ATP10B: variants seen among roughly 807,000 people sequenced by gnomAD.
The protein encoded by ATP10B is phospholipid-transporting ATPase VB.
ATP10B carries 122 observed loss-of-function variants against 141.2 expected under a neutral mutation model. The observed-to-expected ratio is 0.86, with a 90% CI of 0.75 to 1.00. The LOEUF (loss-of-function observed/expected upper bound fraction) is 1.00, where lower values mean the gene tolerates loss of function less well. Among genes scored for constraint, ATP10B ranks in the 50% least tolerant of loss-of-function variants. ATP10B has a pLI of 0.00. For missense variants in ATP10B, 1,876 were observed against 1,825.3 expected, an observed-to-expected ratio of 1.03 and a Z score of -0.51; for synonymous variants, 685 against 692.0, an observed-to-expected ratio of 0.99 and a Z score of 0.16.
chr5:160,795,657 C>T (rs1371033856), intron 1 of ATP10B, among the ~76,000 whole-genome samples: 1 of 151,206 alleles, frequency 6.6e-6, no homozygotes. Context: ...CTAGATTATT[C>T]AGGTGGGTCC....
intron 2 of ATP10B, among the ~76,000 whole-genome samples, chr5:160,764,173 T>C (rs1581486765): frequency 6.6e-6 from 1 of 152,024 alleles, no homozygotes; most frequent in Non-Finnish European, 1.5e-5. Context: ...TCCCAAAAGA[T>C]AGAGAAATAG....
chr5:160,732,467 G>A (rs1328413994), intron 2 of ATP10B, among the ~76,000 whole-genome samples: 1 of 152,246 alleles, frequency 6.6e-6, no homozygotes, highest in East Asian at 1.9e-4. Context: ...GTTTTAAGTA[G>A]ATTTTTTGAA....
chr5:160,854,909 T>C (rs1753960779), upstream of ATP10B, among the ~76,000 whole-genome samples: 1 of 152,038 alleles, frequency 6.6e-6, no homozygotes, highest in Non-Finnish European at 1.5e-5. Flanking sequence ...AGAGAGAAAA[T>C]GTAGGAAAAG....
chr5:160,688,039 C>T lies in ATP10B; in HGVS notation c.36G>A (p.Trp12Ter). ...GGAAGCCATCTCTGACTCTCCACTG[C>T]CACCGATGCCACGATGAGTCCACTG... ...ALSVDSSWHR[W>*]QWRVRDGFPH... Residue 12 changes from tryptophan (W) to a stop codon, truncating the protein, a stop_gained, in exon 5 of 26, where the codon TGG becomes TGA. Coordinates refer to ENST00000327245, the MANE Select transcript of ATP10B (RefSeq NM_025153.3). LOFTEE classifies it high-confidence loss of function. The T allele has an allele frequency of 6.2e-7, 1 of 1,613,598 alleles. No homozygotes were observed. The highest frequency in any genetic ancestry group is 1.1e-5 in the South Asian group (1 of 91,034).
At chr5:160,646,027 T>C (rs1278984181) in intron 8 of ATP10B, among the ~76,000 whole-genome samples, 1 of 152,186 alleles carries the variant, frequency 6.6e-6, no homozygotes, top group Admixed American at 6.5e-5. Flanking sequence ...TTTACTTACA[T>C]GATTTTGTTT....
intron 13 of ATP10B, among the ~76,000 whole-genome samples, chr5:160,624,689 T>C (rs551685941): frequency 6.6e-6 from 1 of 152,262 alleles, no homozygotes; most frequent in Admixed American, 6.5e-5. Flanking sequence ...GCAATGTCAT[T>C]TATATAACCT....
intron 24 of ATP10B, among the ~76,000 whole-genome samples, chr5:160,578,452 G>T (rs1755332540): frequency 6.6e-6 from 1 of 152,072 alleles, no homozygotes; most frequent in African/African-American, 2.4e-5. Context: ...TTGGTTTTCT[G>T]TTCCTGTGTT....
rs573407786 is a variant in ATP10B, at chr5:160,697,573, G to T, written c.-204-8630C>A. Among the ~76,000 whole-genome samples, 140 of 126,890 alleles carry T rather than the reference G, an allele frequency of 1.1e-3. 1 individual carries two copies. Among genetic ancestry groups the T allele is most frequent in the African/African-American group, 3.9e-3 (133 of 34,132 alleles). 83.2% of individuals were successfully genotyped at this position (126,890 alleles called of 152,430 possible). ...GAAGCTGACTTCCTCTAGAGAGAAA[G>T]AAACATTAAGAAGAAATGTATGCAG... On this transcript the variant is annotated intron_variant, in intron 3 of 25. Transcript: ENST00000327245.
At chr5:160,667,212 T>C (rs962627118) in intron 7 of ATP10B, among the ~76,000 whole-genome samples, 1 of 151,918 alleles carries the variant, frequency 6.6e-6, no homozygotes, top group Non-Finnish European at 1.5e-5. Flanking sequence ...AGCAAGACTC[T>C]GTCTCAAAAC....
chr5:160,634,591 A>C lies in ATP10B; in HGVS notation c.1144T>G (p.Ser382Ala). The stretch of plus-strand genomic sequence containing the variant: ...ACCAGCTCAATGGAGACATACAAAG[A>C]GATGGGGATCAGCACCTGAAAAGAG... ...IILLQVLIPI[S>A]LYVSIELVKL... Residue 382 changes from serine (S) to alanine (A), a missense_variant, in exon 12 of 26, where the codon TCT (serine) becomes GCT (alanine). Ser to Ala is a moderately conservative substitution (Grantham distance 99, BLOSUM62 1). Transcript: ENST00000327245. 1 of 1,610,846 alleles carries C rather than the reference A, an allele frequency of 6.2e-7. No individual in the cohort carries two copies. Among genetic ancestry groups the C allele is most frequent in the Non-Finnish European group, 8.5e-7 (1 of 1,178,126 alleles).
At position 160,810,993 on chromosome 5, in the gene ATP10B, A is replaced by T. The variant is rs1040926058; in HGVS notation, c.-575-25190T>A. Among the ~76,000 whole-genome samples the T allele has an allele frequency of 6.6e-5, 10 of 152,350 alleles. No homozygotes were observed. The East Asian group carries it at 1.2e-3, about 18-fold the overall frequency. ...ATATCAAAATCAAAAGTCCAGTAGG[A>T]TAGGGCACCAGTCAGAGTTTTGAGT... On this transcript the variant is annotated intron_variant, in intron 1 of 25. Coordinates refer to ENST00000327245, the MANE Select transcript of ATP10B (RefSeq NM_025153.3).
chr5:160,909,468 G>A, the ATP10B span, among the ~76,000 whole-genome samples: 1 of 152,128 alleles, frequency 6.6e-6, no homozygotes, highest in African/African-American at 2.4e-5. Flanking sequence ...CATGAGCAGA[G>A]GAACACTTTG....
At chr5:160,894,552 C>T in the ATP10B span, among the ~76,000 whole-genome samples, 14,976 of 151,828 alleles carry the variant, frequency 0.099, 843 homozygotes, top group Non-Finnish European at 0.12. Context: ...TATGGGAGTA[C>T]GTGAAAAGAC....
chr5:160,744,790 G>C (rs527355305), intron 2 of ATP10B, among the ~76,000 whole-genome samples: 1 of 152,328 alleles, frequency 6.6e-6, no homozygotes, highest in South Asian at 2.1e-4. Context: ...CATATGTTAA[G>C]TCTCCGTAGA....
intron 5 of ATP10B, among the ~76,000 whole-genome samples, chr5:160,687,575 G>A (rs1022853119): frequency 2.0e-5 from 3 of 152,068 alleles, no homozygotes; most frequent in African/African-American, 4.8e-5. Flanking sequence ...ACCAGCTTGG[G>A]CAACGTGGCA....
Position 160,794,199 on chromosome 5 carries a change from C to T in ATP10B, c.-575-8396G>A, listed in dbSNP as rs182616667. Among the ~76,000 whole-genome samples the T allele has an allele frequency of 2.1e-3, 314 of 152,232 alleles. 1 individual carries two copies. The highest frequency in any genetic ancestry group is 5.4e-3 in the South Asian group (26 of 4,816). ...ATGAGGAACACAGTAATGAATTAGA[C>T]AGACAATGTCGCTGCTTGTAAGGAT... is the stretch of plus-strand genomic sequence containing the variant. On this transcript the variant is annotated intron_variant, in intron 1 of 25. Coordinates refer to ENST00000327245, the MANE Select transcript of ATP10B (RefSeq NM_025153.3).
At chr5:160,761,215 C>T (rs1325358222) in intron 2 of ATP10B, among the ~76,000 whole-genome samples, 1 of 152,166 alleles carries the variant, frequency 6.6e-6, no homozygotes, top group Non-Finnish European at 1.5e-5. Flanking sequence ...CACATGACAA[C>T]TTCACTGCTA....
intron 1 of ATP10B, among the ~76,000 whole-genome samples, chr5:160,825,499 G>A (rs1774525554): frequency 3.3e-5 from 5 of 152,194 alleles, no homozygotes; most frequent in Admixed American, 3.3e-4. Context: ...TCCCCAGCAT[G>A]TGGAACTGTG....
chr5:160,700,891 A>G (rs1225095794), intron 3 of ATP10B, among the ~76,000 whole-genome samples: 1 of 151,904 alleles, frequency 6.6e-6, no homozygotes, highest in Non-Finnish European at 1.5e-5. Context: ...CTTGCCCCCT[A>G]TTACCTCTCT....
Sources: gnomAD v4.1 joint callset for allele counts (sites outside exome capture counted in the v4.1 genomes callset) on GRCh38, gnomAD v4.1.1 for gene constraint, MANE v1.5 for transcripts, NCBI Gene and HGNC (gene_info 2026-07-23, HGNC 2026-07-21) for gene names.